The following CCDC91 variants were observed in gnomAD, a reference collection of about 807,000 sequenced individuals.
CCDC91 encodes coiled-coil domain containing 91, also known as coiled-coil domain-containing protein 91.
Under a neutral mutation model 63.2 loss-of-function variants are expected in CCDC91, and 48 were observed. The observed-to-expected ratio is 0.76, with a 90% CI of 0.60 to 0.97. The LOEUF is 0.97. Ranked by LOEUF, CCDC91 falls within the 50% of genes least tolerant of loss-of-function variation. The pLI, the probability that CCDC91 is intolerant of heterozygous loss-of-function variation, is 0.00. For synonymous variants in CCDC91, 167 were observed against 165.8 expected (o/e 1.01, Z -0.06); for missense variants, 500 against 494.6 (o/e 1.01, Z -0.10).
At chr12:28,398,676 A>G (rs958208560) in intron 8 of CCDC91, among the ~76,000 whole-genome samples, 2 of 152,058 alleles carry the variant, frequency 1.3e-5, no homozygotes, top group African/African-American at 4.8e-5. Flanking sequence ...AGCACTTGGT[A>G]TTGTCCATCT....
chr12:28,467,581 G>A lies in CCDC91; in HGVS notation c.1101+14927G>A, dbSNP rs189583076. On this transcript the variant is annotated intron_variant, in intron 11 of 12. Transcript: ENST00000536442. ...CAAGGAAATCAACAAATCAACACTG[G>A]AGTTAATCTATACTATAAAGCAAAT... Among the ~76,000 whole-genome samples the A allele has an allele frequency of 4.7e-4, 72 of 152,076 alleles. 1 individual carries two copies. Among genetic ancestry groups the A allele is most frequent in the South Asian group, 1.5e-3 (7 of 4,822 alleles).
chr12:28,364,905 G>A (rs747817096), intron 7 of CCDC91, among the ~76,000 whole-genome samples: 63 of 151,956 alleles, frequency 4.1e-4, no homozygotes, highest in Non-Finnish European at 4.6e-4. Context: ...GAACACCTTC[G>A]TTGCAAAATT....
chr12:28,491,595 A>C (rs1449114641), intron 12 of CCDC91, among the ~76,000 whole-genome samples: 1 of 151,830 alleles, frequency 6.6e-6, no homozygotes, highest in Non-Finnish European at 1.5e-5. Context: ...ATGAAAACTA[A>C]AATGTGGACT....
rs1205849900 is a variant in CCDC91, at chr12:28,305,748, C to T, written c.209C>T (p.Ser70Leu). 6.2e-7 allele frequency: 1 copy of T among 1,613,222 alleles called. No homozygotes were observed. Among genetic ancestry groups the T allele is most frequent in the Non-Finnish European group, 8.5e-7 (1 of 1,179,428 alleles). The part of the protein sequence containing the change: ...GCLSSDAIIS[S>L]PENTHAANSI... ...CTCTCTTCTGATGCCATTATTTCAT[C>T]ACCAGAGAATACACATGCAGCAAAT... The change falls in exon 4 of 13, where the codon TCA (serine) becomes TTA (leucine). Residue 70 changes from serine (S) to leucine (L), a missense_variant. Coordinates refer to ENST00000536442, the MANE Select transcript of CCDC91 (RefSeq NM_018318.5).
chr12:28,302,080 G>C (rs1179635548), intron 3 of CCDC91, among the ~76,000 whole-genome samples: 2 of 150,482 alleles, frequency 1.3e-5, no homozygotes, highest in Non-Finnish European at 3.0e-5. Context: ...TTTCTTTTTT[G>C]TTTCTTTTTT....
At chr12:28,316,683 A>G (rs1199564448) in intron 6 of CCDC91, among the ~76,000 whole-genome samples, 1 of 148,654 alleles carries the variant, frequency 6.7e-6, no homozygotes, top group Non-Finnish European at 1.5e-5. Flanking sequence ...TTGTTTTTAC[A>G]TGAAATTGGT....
chr12:28,476,042 A>T (rs890350991), intron 11 of CCDC91, among the ~76,000 whole-genome samples: 3 of 151,992 alleles, frequency 2.0e-5, no homozygotes, highest in African/African-American at 7.2e-5. Context: ...CAATACAAGG[A>T]GTATAGTTCA....
rs148829226 is a variant in CCDC91 at position 28,218,092 on chromosome 12, C to A, written c.-15+27451C>A. ...CTCCGTGTTTGATCCCTTTAGATAT[C>A]CTTTTTTTAAGCTTACTTGCCTGAG... On this transcript the variant is annotated intron_variant, in intron 1 of 12. Coordinates refer to ENST00000536442, the MANE Select transcript of CCDC91 (RefSeq NM_018318.5). Among the ~76,000 whole-genome samples, 444 of 152,268 alleles carry A rather than the reference C, an allele frequency of 2.9e-3. 2 individuals are homozygous for A. Among genetic ancestry groups the A allele is most frequent in the African/African-American group, 0.01 (427 of 41,556 alleles).
chr12:28,482,529 A>T (rs559044067), intron 11 of CCDC91, among the ~76,000 whole-genome samples: 1 of 152,082 alleles, frequency 6.6e-6, no homozygotes, highest in South Asian at 2.1e-4. Context: ...ACAAGAGAAA[A>T]TGTGTATTGC....
At chr12:28,520,831 C>T (rs1421610722) in intron 12 of CCDC91, among the ~76,000 whole-genome samples, 1 of 152,160 alleles carries the variant, frequency 6.6e-6, no homozygotes, top group Non-Finnish European at 1.5e-5. Context: ...AATAGGGAAT[C>T]GTTTCCCCAT....
In CCDC91 at chr12:28,424,463, ATACT is replaced by A. The variant is rs541788457; in HGVS notation, c.763-25695_763-25692del. On this transcript the variant is annotated intron_variant, in intron 8 of 12. Transcript: ENST00000536442. The stretch of plus-strand genomic sequence containing the variant: ...TCCTGACATCCCCATTTCCCCCTAA[ATACT>A]TAACATTTTCTAGTTTCTAATTTTT... 2.1e-4 allele frequency among the ~76,000 whole-genome samples: 32 copies of A among 152,220 alleles called. No individual in the cohort carries two copies. In the South Asian group the frequency reaches 6.4e-3, roughly 31 times the overall value.
At chr12:28,358,550 A>G (rs1384685118) in intron 6 of CCDC91, among the ~76,000 whole-genome samples, 1 of 152,196 alleles carries the variant, frequency 6.6e-6, no homozygotes, top group Admixed American at 6.5e-5. Context: ...TTGTATTGTC[A>G]AAGTGTGAAA....
chr12:28,373,756 C>G (rs1481851811), intron 7 of CCDC91, among the ~76,000 whole-genome samples: 2 of 152,058 alleles, frequency 1.3e-5, no homozygotes, highest in South Asian at 2.1e-4. Flanking sequence ...ATTGTAGTTC[C>G]TATAATCCCT....
intron 11 of CCDC91, among the ~76,000 whole-genome samples, chr12:28,477,893 A>T (rs2140823140): frequency 6.6e-6 from 1 of 152,278 alleles, no homozygotes; most frequent in Non-Finnish European, 1.5e-5. Flanking sequence ...ATACCTAGGA[A>T]TCCAACTTAC....
At chr12:28,443,933 G>A (rs1363722523) in intron 8 of CCDC91, among the ~76,000 whole-genome samples, 3 of 152,142 alleles carry the variant, frequency 2.0e-5, no homozygotes, top group Non-Finnish European at 4.4e-5. Flanking sequence ...TCTATACTGT[G>A]GTAACAATAG....
chr12:28,394,435 C>T (rs1946154817), intron 8 of CCDC91, among the ~76,000 whole-genome samples: 1 of 151,646 alleles, frequency 6.6e-6, no homozygotes, highest in South Asian at 2.1e-4. Context: ...CACTGCACTC[C>T]AGCCTGGGCG....
chr12:28,377,327 C>T (rs1945011071), intron 7 of CCDC91, among the ~76,000 whole-genome samples: 1 of 151,420 alleles, frequency 6.6e-6, no homozygotes, highest in Admixed American at 6.6e-5. Context: ...GGGATTTAGA[C>T]GTTTCACAAA....
chr12:28,514,987 A>G (rs1200292820), intron 12 of CCDC91, among the ~76,000 whole-genome samples: 1 of 151,846 alleles, frequency 6.6e-6, no homozygotes, highest in East Asian at 1.9e-4. Flanking sequence ...GACCTATGTA[A>G]CAAATATGCA....
At chr12:28,436,301 A>G (rs967965943) in intron 8 of CCDC91, among the ~76,000 whole-genome samples, 3 of 151,572 alleles carry the variant, frequency 2.0e-5, no homozygotes, top group African/African-American at 4.8e-5. Flanking sequence ...TAAAGTTTGT[A>G]CTGTACATTT....
Sources: gnomAD v4.1 joint callset for allele counts (sites outside exome capture counted in the v4.1 genomes callset) on GRCh38, gnomAD v4.1.1 for gene constraint, MANE v1.5 for transcripts, NCBI Gene and HGNC (gene_info 2026-07-23, HGNC 2026-07-21) for gene names.